The following WDR43 variants were observed in gnomAD, a reference collection of about 807,000 sequenced individuals.
WDR43 encodes WD repeat domain 43.
Under a neutral mutation model 91.4 loss-of-function variants are expected in WDR43, and 13 were observed. That is an observed-to-expected ratio of 0.14 (90% CI 0.09 to 0.23). The LOEUF is 0.23. Among genes scored for constraint, WDR43 ranks in the 10% least tolerant of loss-of-function variants. WDR43 has a pLI of 1.00. For missense variants in WDR43, 780 were observed against 809.4 expected, an observed-to-expected ratio of 0.96 and a Z score of 0.44; for synonymous variants, 331 against 287.9, an observed-to-expected ratio of 1.15 and a Z score of -1.51.
At chr2:28,894,951 G>T in intron 1 of WDR43, 28 bp downstream of exon 1, 1 of 1,502,722 alleles carries the variant, frequency 6.7e-7, no homozygotes, top group Non-Finnish European at 8.9e-7. Context: ...GCGCGGGGCG[G>T]GCGCCTTCCC....
At chr2:28,916,260 T>C (rs1179271387) in intron 5 of WDR43, among the ~76,000 whole-genome samples, 3 of 152,232 alleles carry the variant, frequency 2.0e-5, no homozygotes, top group African/African-American at 7.2e-5. Context: ...TTCATTTCTT[T>C]TGGGTAAATA....
intron 16 of WDR43, among the ~76,000 whole-genome samples, chr2:28,942,661 T>C (rs557308672): frequency 8.7e-5 from 13 of 150,204 alleles, no homozygotes; most frequent in Non-Finnish European, 4.4e-5. Flanking sequence ...GTTGCCTAGG[T>C]TGTAGTGCAG....
rs746152026 is a variant in WDR43 at position 28,914,206 on chromosome 2, C to T, written c.744C>T (p.Val248=). The change falls in exon 5 of 18, where the codon GTC becomes GTT. Residue 248 remains valine (V), a splice_region_variant and synonymous_variant. Coordinates refer to ENST00000407426, the MANE Select transcript of WDR43 (RefSeq NM_015131.3). ...CAGTACATGACCGGTTACTTAATGT[C>T]TGGTATGTAGTTCTTTTGGATTTGG... The part of the protein sequence containing the change: ...SGAVHDRLLN[V]WQVRSENKEK... 9 of 1,611,726 alleles carry T rather than the reference C, an allele frequency of 5.6e-6. No individual in the cohort carries two copies. Among genetic ancestry groups the T allele is most frequent in the Non-Finnish European group, 7.6e-6 (9 of 1,179,200 alleles).
At chr2:28,906,611 C>A (rs773285374) in intron 3 of WDR43, 30 bp downstream of exon 3, 2 of 1,600,356 alleles carry the variant, frequency 1.2e-6, no homozygotes, top group African/African-American at 2.7e-5. Context: ...TCAGGAAATG[C>A]AATAGACGTG....
intron 14 of WDR43, 34 bp downstream of exon 14, chr2:28,938,028 A>G (rs1195679419): frequency 3.7e-6 from 6 of 1,608,170 alleles, no homozygotes; most frequent in Non-Finnish European, 5.1e-6. Flanking sequence ...CCGAGTATGA[A>G]TAGTTTGGCT....
chr2:28,942,309 C>G lies in WDR43; in HGVS notation c.1735-3C>G. Reference sequence around the variant, plus strand: ...TTCAGAACAGTACTTTATCTTCTTCCAGGTAACAGCATCAGAGAAGACAAA... The same window carrying G: ...TTCAGAACAGTACTTTATCTTCTTCGAGGTAACAGCATCAGAGAAGACAAA... On this transcript the variant is annotated splice_polypyrimidine_tract_variant and splice_region_variant and intron_variant, in intron 15 of 17. Transcript: ENST00000407426. The G allele has an allele frequency of 6.2e-7, 1 of 1,612,854 alleles. No homozygotes were observed. Among genetic ancestry groups the G allele is most frequent in the Non-Finnish European group, 8.5e-7 (1 of 1,179,370 alleles).
Position 28,901,985 on chromosome 2 carries a change from A to G in WDR43, c.226-2A>G. 1 of 1,581,186 alleles carries G rather than the reference A, an allele frequency of 6.3e-7. No homozygotes were observed. The highest frequency in any genetic ancestry group is 1.2e-5 in the South Asian group (1 of 84,868). The stretch of plus-strand genomic sequence containing the variant: ...AAAAACATTGTTTTTCTTTTTTTCC[A>G]GGAAAGTCCCCAGAGGAAAAAAAGG... On this transcript the variant is annotated splice_acceptor_variant, in intron 1 of 17. Coordinates refer to ENST00000407426, the MANE Select transcript of WDR43 (RefSeq NM_015131.3). LOFTEE classifies it high-confidence loss of function.
chr2:28,905,790 A>G (rs1476120081), intron 2 of WDR43, among the ~76,000 whole-genome samples: 1 of 151,322 alleles, frequency 6.6e-6, no homozygotes, highest in Non-Finnish European at 1.5e-5. Flanking sequence ...TCAGCCTCTC[A>G]GGTAGCTGGG....
At chr2:28,937,796 G>A in intron 13 of WDR43, 135 bp from the exon 14 acceptor site, 6 of 788,396 alleles carry the variant, frequency 7.6e-6, no homozygotes. Flanking sequence ...TATATACACA[G>A]TGATATATTT....
chr2:28,896,756 C>T (rs1276568344), intron 1 of WDR43, among the ~76,000 whole-genome samples: 1 of 152,144 alleles, frequency 6.6e-6, no homozygotes, highest in African/African-American at 2.4e-5. Flanking sequence ...CTATGGTAAA[C>T]TAGAAAAATA....
intron 10 of WDR43, among the ~76,000 whole-genome samples, chr2:28,928,802 C>T (rs889308641): frequency 1.2e-4 from 19 of 152,110 alleles, no homozygotes; most frequent in Non-Finnish European, 2.6e-4. Context: ...CCACCTCAGC[C>T]TCTTGAGTAG....
intron 3 of WDR43, among the ~76,000 whole-genome samples, chr2:28,908,675 T>C (rs185868601): frequency 6.6e-6 from 1 of 152,342 alleles, no homozygotes; most frequent in Admixed American, 6.5e-5. Context: ...CACTAAACTG[T>C]GTTGTCTCAT....
Position 28,929,510 on chromosome 2 carries a change from A to T in WDR43, c.1306-69A>T, listed in dbSNP as rs11685826. ...AATCTATTTTATTTTATTTTATTTT[A>T]TTTTTTTTGTCTCCAAACTACTTTA... On this transcript the variant is annotated intron_variant, in intron 10 of 17. Transcript: ENST00000407426. The T allele has an allele frequency of 0.14, 169,458 of 1,216,314 alleles. 11,512 individuals are homozygous for T. The highest frequency in any genetic ancestry group is 0.52 in the East Asian group (16,046 of 30,948). The allele number at this position is 1,216,314 out of a possible 1,614,324, so 75.3% of individuals were successfully genotyped here.
chr2:28,896,338 A>T (rs1245213868), intron 1 of WDR43, among the ~76,000 whole-genome samples: 1 of 152,192 alleles, frequency 6.6e-6, no homozygotes, highest in African/African-American at 2.4e-5. Flanking sequence ...AAATGAGGAT[A>T]ATAATATCTT....
At chr2:28,903,032 TTAA>T (rs1670604630) in intron 2 of WDR43, among the ~76,000 whole-genome samples, 1 of 152,228 alleles carries the variant, frequency 6.6e-6, no homozygotes, top group Non-Finnish European at 1.5e-5. Context: ...AGAGGTCCTC[TTAA>T]TAATTTGTAT....
Position 28,946,847 on chromosome 2 carries a change from T to A in WDR43, c.*68T>A. The A allele has an allele frequency of 6.8e-7, 1 of 1,461,330 alleles. No homozygotes were observed. The highest frequency in any genetic ancestry group is 9.0e-7 in the Non-Finnish European group (1 of 1,110,540). 90.5% of individuals were successfully genotyped at this position (1,461,330 alleles called of 1,614,324 possible). ...ACCTTGCCCAGTGGTGAGGGCTGCCTCTGTGCCAGGATGCCAAGGACCGCT... is the reference window on the plus strand; with the variant it reads ...ACCTTGCCCAGTGGTGAGGGCTGCCACTGTGCCAGGATGCCAAGGACCGCT... On this transcript the variant is annotated 3_prime_UTR_variant, in exon 18 of 18. Coordinates refer to ENST00000407426, the MANE Select transcript of WDR43 (RefSeq NM_015131.3).
chr2:28,926,589 A>C (rs1470856632), intron 9 of WDR43, 35 bp downstream of exon 9: 1 of 1,523,564 alleles, frequency 6.6e-7, no homozygotes, highest in Non-Finnish European at 8.9e-7. Context: ...TTTAAGAAAA[A>C]GAATATTTCT....
rs144180293 is a variant in WDR43, at chr2:28,913,653, C to T, written c.607-416C>T. The stretch of plus-strand genomic sequence containing the variant: ...GGAAAAAGCTTTCACTCAGGGCTTA[C>T]GGAATATTTGGTGCTGTGATGATGC... On this transcript the variant is annotated intron_variant, in intron 4 of 17. Coordinates refer to ENST00000407426, the MANE Select transcript of WDR43 (RefSeq NM_015131.3). 6.7e-5 allele frequency: 35 copies of T among 520,574 alleles called. No homozygotes were observed. In the East Asian group the frequency reaches 9.2e-4, roughly 14 times the overall value. The allele number at this position is 520,574 out of a possible 1,614,324, so 32.2% of individuals were successfully genotyped here.
intron 1 of WDR43, among the ~76,000 whole-genome samples, chr2:28,901,772 C>T (rs970042768): frequency 3.9e-5 from 6 of 151,962 alleles, no homozygotes; most frequent in Non-Finnish European, 7.4e-5. Context: ...GCCTTTTTTC[C>T]ATAGGGGTGG....
Sources: allele counts gnomAD v4.1 joint callset (sites outside exome capture counted in the v4.1 genomes callset), GRCh38; gene constraint gnomAD v4.1.1; transcripts MANE v1.5; gene names NCBI Gene and HGNC (gene_info 2026-07-23, HGNC 2026-07-21).